Variants in NETO1 observed in about 807,000 individuals in gnomAD.
The protein encoded by NETO1 is neuropilin and tolloid-like protein 1.
Under a neutral mutation model 61.3 loss-of-function variants are expected in NETO1, and 26 were observed. That is an observed-to-expected ratio of 0.42 (90% CI 0.31 to 0.59). The LOEUF is 0.59. Among genes scored for constraint, NETO1 ranks in the 20% least tolerant of loss-of-function variants. The pLI is 0.12. For missense variants in NETO1, 531 were observed against 662.8 expected (o/e 0.80, Z 2.18); for synonymous variants, 225 against 225.8 (o/e 1.00, Z 0.03).
At chr18:72,780,430 A>G (rs1285225928) in intron 7 of NETO1, among the ~76,000 whole-genome samples, 1 of 152,228 alleles carries the variant, frequency 6.6e-6, no homozygotes, top group Non-Finnish European at 1.5e-5. Context: ...ATAATAATAT[A>G]TGCAACATAT....
At chr18:72,782,593 T>C (rs2071781019) in intron 7 of NETO1, among the ~76,000 whole-genome samples, 1 of 151,884 alleles carries the variant, frequency 6.6e-6, no homozygotes, top group Non-Finnish European at 1.5e-5. Flanking sequence ...TCACCTGAGG[T>C]CAGGAGTTTG....
At chr18:72,851,767 A>G (rs2074257966) in intron 4 of NETO1, among the ~76,000 whole-genome samples, 1 of 152,226 alleles carries the variant, frequency 6.6e-6, no homozygotes, top group Admixed American at 6.5e-5. Flanking sequence ...GGTGATATAT[A>G]TAGTATTATC....
intron 4 of NETO1, among the ~76,000 whole-genome samples, chr18:72,820,476 T>TCTC (rs2073157846): frequency 6.6e-6 from 1 of 152,234 alleles, no homozygotes; most frequent in South Asian, 2.1e-4. Context: ...CCCCATTCAA[T>TCTC]CTCCTGCTAT....
At chr18:72,814,840 A>G (rs2145238143) in intron 4 of NETO1, among the ~76,000 whole-genome samples, 1 of 152,220 alleles carries the variant, frequency 6.6e-6, no homozygotes, top group Non-Finnish European at 1.5e-5. Context: ...ACCTAATAAC[A>G]TAGGTACAAT....
chr18:72,842,525 G>A (rs772709026), intron 4 of NETO1, among the ~76,000 whole-genome samples: 5 of 152,098 alleles, frequency 3.3e-5, no homozygotes, highest in African/African-American at 9.7e-5. Flanking sequence ...ATGATATAGG[G>A]ACAATTATTA....
At chr18:72,819,260 C>T (rs907942937) in intron 4 of NETO1, among the ~76,000 whole-genome samples, 3 of 152,072 alleles carry the variant, frequency 2.0e-5, no homozygotes, top group Admixed American at 6.5e-5. Context: ...GGGAGTGCTG[C>T]CACCTATGTA....
At chr18:72,819,627 T>C (rs1214031747) in intron 4 of NETO1, among the ~76,000 whole-genome samples, 1 of 152,130 alleles carries the variant, frequency 6.6e-6, no homozygotes, top group Non-Finnish European at 1.5e-5. Flanking sequence ...ATAAAAACTT[T>C]TAATATAATG....
At chr18:72,834,583 A>G (rs1250611024) in intron 4 of NETO1, 1 of 980,920 alleles carries the variant, frequency 1.0e-6, no homozygotes, top group East Asian at 1.1e-4. Flanking sequence ...TCACAACACT[A>G]TTACTCAGAT....
chr18:72,825,677 C>T (rs2073351079), intron 4 of NETO1, among the ~76,000 whole-genome samples: 1 of 152,140 alleles, frequency 6.6e-6, no homozygotes, highest in Admixed American at 6.5e-5. Context: ...TAGGTTCTAA[C>T]AGCTACTTTG....
chr18:72,850,695 A>C (rs1820923611), intron 4 of NETO1, among the ~76,000 whole-genome samples: 1 of 152,244 alleles, frequency 6.6e-6, no homozygotes, highest in African/African-American at 2.4e-5. Flanking sequence ...ATGAAAGTTC[A>C]AAATGGAGAT....
chr18:72,831,331 T>C (rs1476960311), intron 4 of NETO1, among the ~76,000 whole-genome samples: 2 of 152,222 alleles, frequency 1.3e-5, no homozygotes, highest in African/African-American at 2.4e-5. Context: ...TATTTCTTCA[T>C]AGAATTACAG....
At chr18:72,793,266 G>A (rs914051162) in intron 6 of NETO1, among the ~76,000 whole-genome samples, 4 of 152,052 alleles carry the variant, frequency 2.6e-5, no homozygotes, top group Non-Finnish European at 5.9e-5. Flanking sequence ...TGTAACTGAG[G>A]AATATAAACC....
intron 7 of NETO1, among the ~76,000 whole-genome samples, chr18:72,773,355 C>T (rs896216188): frequency 1.3e-5 from 2 of 152,110 alleles, no homozygotes; most frequent in Non-Finnish European, 2.9e-5. Flanking sequence ...TTATATACAT[C>T]TGCAAAATAA....
At chr18:72,813,786 A>T (rs2072943475) in intron 4 of NETO1, among the ~76,000 whole-genome samples, 1 of 152,176 alleles carries the variant, frequency 6.6e-6, no homozygotes, top group Admixed American at 6.6e-5. Flanking sequence ...TTAAAAGGCA[A>T]GACACAGTGA....
In NETO1 at chr18:72,772,759, C is replaced by CTATATCTATA. The variant is rs1485448435; in HGVS notation, c.868+10918_868+10919insTATAGATATA. On this transcript the variant is annotated intron_variant, in intron 7 of 10. Coordinates refer to ENST00000327305, the MANE Select transcript of NETO1 (RefSeq NM_138966.5). ...CACACACACATCTCTCTATATATATCTATATATATATATATATACAGATCT... is the reference window on the plus strand; with the variant it reads ...CACACACACATCTCTCTATATATATCTATATCTATATATATATATATATATATACAGATCT... 1.3e-3 allele frequency among the ~76,000 whole-genome samples: 135 copies of CTATATCTATA among 102,346 alleles called. 6 individuals carry two copies. Among genetic ancestry groups the CTATATCTATA allele is most frequent in the African/African-American group, 4.8e-3 (132 of 27,688 alleles). The allele number at this position is 102,346 out of a possible 152,430, so 67.1% of individuals were successfully genotyped here. A position where few individuals can be genotyped will look rare whatever the true frequency, so the allele number is the denominator to read the frequency against.
intron 6 of NETO1, among the ~76,000 whole-genome samples, chr18:72,785,480 A>G (rs1024827836): frequency 2.6e-5 from 4 of 152,164 alleles, no homozygotes; most frequent in Admixed American, 6.5e-5. Flanking sequence ...AGTTTACTCT[A>G]ATAAAAACTA....
rs147112605 is a variant in NETO1 at position 72,809,862 on chromosome 18, A to T, written c.470-15458T>A. Among the ~76,000 whole-genome samples the T allele has an allele frequency of 2.2e-3, 334 of 152,374 alleles. 2 individuals carry two copies. Among genetic ancestry groups the T allele is most frequent in the African/African-American group, 7.9e-3 (327 of 41,602 alleles). ...GCATACTGCAAATATCAAAGTGATG[A>T]TAGATACTTGCTACATGCCAAGATA... is the stretch of plus-strand genomic sequence containing the variant. On this transcript the variant is annotated intron_variant, in intron 4 of 10. Transcript: ENST00000327305.
At chr18:72,812,126 G>A (rs1028645312) in intron 4 of NETO1, among the ~76,000 whole-genome samples, 3 of 152,212 alleles carry the variant, frequency 2.0e-5, no homozygotes, top group Admixed American at 6.5e-5. Flanking sequence ...TTTAAGTGGT[G>A]AAATCACTGC....
At chr18:72,767,783 G>T (rs1219862355) in intron 7 of NETO1, among the ~76,000 whole-genome samples, 2 of 152,078 alleles carry the variant, frequency 1.3e-5, no homozygotes, top group Non-Finnish European at 2.9e-5. Flanking sequence ...GGGAGGAAAG[G>T]AGGGTTGGTT....
Sources: gnomAD v4.1 joint callset for allele counts (sites outside exome capture counted in the v4.1 genomes callset) on GRCh38, gnomAD v4.1.1 for gene constraint, MANE v1.5 for transcripts, NCBI Gene and HGNC (gene_info 2026-07-23, HGNC 2026-07-21) for gene names.